ANXA10: variants seen among roughly 807,000 people sequenced by gnomAD.
ANXA10 encodes annexin A10.
In ANXA10, 49 loss-of-function variants were observed where a neutral mutation model predicts 53.5. The ratio of observed to expected loss-of-function variants is 0.92; its 90% confidence interval spans 0.73 to 1.16. The LOEUF is 1.16. Among genes scored for constraint, ANXA10 ranks in the 50% most tolerant of loss-of-function variants. The pLI, the probability that ANXA10 is intolerant of heterozygous loss-of-function variation, is 0.00. For missense variants in ANXA10, 393 were observed against 394.4 expected, an observed-to-expected ratio of 1.00 and a Z score of 0.03; for synonymous variants, 131 against 128.9, an observed-to-expected ratio of 1.02 and a Z score of -0.11.
At chr4:168,110,872 A>G (rs1348959053) in intron 1 of ANXA10, among the ~76,000 whole-genome samples, 1 of 152,224 alleles carries the variant, frequency 6.6e-6, no homozygotes, top group East Asian at 1.9e-4. Context: ...GATACTTTCA[A>G]TGATAGTCTA....
chr4:168,127,263 CAA>C (rs1731084070), intron 1 of ANXA10, among the ~76,000 whole-genome samples: 1 of 152,046 alleles, frequency 6.6e-6, no homozygotes, highest in Admixed American at 6.6e-5. Flanking sequence ...TTATAATTGT[CAA>C]GAGAGAGAAT....
intron 1 of ANXA10, among the ~76,000 whole-genome samples, chr4:168,117,896 A>G (rs1730918753): frequency 6.7e-6 from 1 of 150,110 alleles, no homozygotes; most frequent in Non-Finnish European, 1.5e-5. Context: ...GGGTGCACTC[A>G]TACAATACTC....
In ANXA10 at chr4:168,128,161, A is replaced by T. The variant is rs56253080; in HGVS notation, c.96A>T (p.Gly32=). 0.012 allele frequency: 19,157 copies of T among 1,611,274 alleles called. 171 individuals are homozygous for T. The highest frequency in any genetic ancestry group is 0.021 in the South Asian group (1,916 of 90,994). The change falls in exon 2 of 12, where the codon GGA becomes GGT. Residue 32 remains glycine (G), a synonymous_variant. Coordinates refer to ENST00000359299, the MANE Select transcript of ANXA10 (RefSeq NM_007193.5). ...DAQMLGGALQ[G]FDCDKDMLIN... is the part of the protein sequence containing the mutation. ...AAATGCTAGGAGGAGCACTCCAAGGATTTGGTAAGTCTGATTATTTCTACC... is the reference window on the plus strand; with the variant it reads ...AAATGCTAGGAGGAGCACTCCAAGGTTTTGGTAAGTCTGATTATTTCTACC...
chr4:168,140,323 A>T (rs2149472245), intron 3 of ANXA10, among the ~76,000 whole-genome samples: 1 of 152,320 alleles, frequency 6.6e-6, no homozygotes, highest in South Asian at 2.1e-4. Context: ...ATCCATGTAA[A>T]TTTACTCCAC....
intron 6 of ANXA10, among the ~76,000 whole-genome samples, chr4:168,173,548 T>G (rs1482197609): frequency 1.3e-5 from 2 of 152,172 alleles, no homozygotes; most frequent in Non-Finnish European, 2.9e-5. Context: ...GCTTCAGCAG[T>G]AAAGCTAGCT....
intron 3 of ANXA10, among the ~76,000 whole-genome samples, chr4:168,151,240 T>A (rs1731490656): frequency 6.6e-6 from 1 of 152,144 alleles, no homozygotes; most frequent in South Asian, 2.1e-4. Flanking sequence ...GCAAAGAACA[T>A]TTTAAATAAT....
At chr4:168,181,640 T>C (rs111603755) in intron 9 of ANXA10, 43 bp from the exon 10 acceptor site, 1 of 1,465,344 alleles carries the variant, frequency 6.8e-7, no homozygotes, top group South Asian at 1.2e-5. Flanking sequence ...AAATATATGT[T>C]TTCACTCTCA....
At chr4:168,181,002 C>T (rs1732228932) in intron 9 of ANXA10, among the ~76,000 whole-genome samples, 1 of 152,084 alleles carries the variant, frequency 6.6e-6, no homozygotes, top group Non-Finnish European at 1.5e-5. Flanking sequence ...CTAAAAATAG[C>T]ATTCAAATAG....
chr4:168,119,711 T>C (rs1730955154), intron 1 of ANXA10, among the ~76,000 whole-genome samples: 1 of 152,130 alleles, frequency 6.6e-6, no homozygotes, highest in African/African-American at 2.4e-5. Context: ...GTGCTAGGCC[T>C]TGAACTTTGA....
In ANXA10 at chr4:168,101,429, A is replaced by C. The variant is rs1333310284; in HGVS notation, c.18+8711A>C. ...ACACTGCTCCCAGGAGCTAGTGGCC[A>C]TTGGGAACACTTTTAGGCTTAATCT... On this transcript the variant is annotated intron_variant, in intron 1 of 11. Coordinates refer to ENST00000359299, the MANE Select transcript of ANXA10 (RefSeq NM_007193.5). Among the ~76,000 whole-genome samples, 3 of 147,498 alleles carry C rather than the reference A, an allele frequency of 2.0e-5. 1 individual carries two copies. Among genetic ancestry groups the C allele is most frequent in the African/African-American group, 7.5e-5 (3 of 40,100 alleles).
At chr4:168,132,650 G>A (rs1731173230) in intron 2 of ANXA10, among the ~76,000 whole-genome samples, 1 of 151,988 alleles carries the variant, frequency 6.6e-6, no homozygotes, top group Non-Finnish European at 1.5e-5. Flanking sequence ...GCAACTCAAT[G>A]GATAAATGCT....
intron 10 of ANXA10, among the ~76,000 whole-genome samples, chr4:168,182,508 T>A (rs1454135921): frequency 5.3e-5 from 8 of 149,660 alleles, no homozygotes; most frequent in Admixed American, 5.3e-4. Flanking sequence ...TTTTGTTTTG[T>A]GTTTTTAGTA....
intron 1 of ANXA10, among the ~76,000 whole-genome samples, chr4:168,127,506 C>T (rs372093804): frequency 9.1e-4 from 139 of 152,108 alleles, no homozygotes; most frequent in Middle Eastern, 3.4e-3. Flanking sequence ...CAATATGGTA[C>T]CCTTTTTCAG....
intron 9 of ANXA10, among the ~76,000 whole-genome samples, chr4:168,181,308 G>A (rs1319958331): frequency 6.7e-6 from 1 of 149,748 alleles, no homozygotes; most frequent in Non-Finnish European, 1.5e-5. Flanking sequence ...GGAGAATGGC[G>A]TGAACCCGGG....
chr4:168,179,320 A>T lies in ANXA10; in HGVS notation c.724+8A>T. 6.3e-7 allele frequency: 1 copy of T among 1,578,674 alleles called. No individual in the cohort carries two copies. The highest frequency in any genetic ancestry group is 1.1e-5 in the South Asian group (1 of 89,038). ...AGCTGCTGGTTGCAATTGGTAAGTA[A>T]TAAATTATTTGAAGCACAACAGACA... On this transcript the variant is annotated splice_region_variant and intron_variant, in intron 9 of 11. Coordinates refer to ENST00000359299, the MANE Select transcript of ANXA10 (RefSeq NM_007193.5).
rs1288958896 is a variant in ANXA10 at position 168,177,787 on chromosome 4, T to G, written c.528T>G (p.Asp176Glu). 6.2e-7 allele frequency: 1 copy of G among 1,614,030 alleles called. No individual in the cohort carries two copies. Among genetic ancestry groups the G allele is most frequent in the East Asian group, 2.2e-5 (1 of 44,890 alleles). Residue 176 changes from aspartate to glutamate, a missense_variant, in exon 7 of 12, where the codon GAT (aspartate) becomes GAG (glutamate). Transcript: ENST00000359299. ...CAGACCCTGCGATGGCTGCTCAGGA[T>G]GCAATGGTAACTAGAACCAGTTCTC... is the stretch of plus-strand genomic sequence containing the variant. The part of the protein sequence containing the change: ...GYTDPAMAAQ[D>E]AMVLWEACQQ...
chr4:168,151,836 A>C (rs551870921), intron 3 of ANXA10, among the ~76,000 whole-genome samples: 71 of 152,296 alleles, frequency 4.7e-4, no homozygotes, highest in African/African-American at 1.7e-3. Context: ...TTGTATTGTA[A>C]TTTAATTGTA....
At chr4:168,141,947 A>C (rs888593461) in intron 3 of ANXA10, among the ~76,000 whole-genome samples, 3 of 152,058 alleles carry the variant, frequency 2.0e-5, no homozygotes, top group Non-Finnish European at 2.9e-5. Context: ...CAGGGGTTGG[A>C]TACGAATTCT....
At chr4:168,171,274 T>A (rs1397239701) in intron 6 of ANXA10, among the ~76,000 whole-genome samples, 1 of 152,146 alleles carries the variant, frequency 6.6e-6, no homozygotes, top group East Asian at 1.9e-4. Flanking sequence ...TGTAATCAAA[T>A]CTCTCCCATC....
Sources: allele counts gnomAD v4.1 joint callset (sites outside exome capture counted in the v4.1 genomes callset), GRCh38; gene constraint gnomAD v4.1.1; transcripts MANE v1.5; gene names NCBI Gene and HGNC (gene_info 2026-07-23, HGNC 2026-07-21).